Variants in LRFN5 observed in about 807,000 individuals in gnomAD.
LRFN5 encodes leucine rich repeat and fibronectin type III domain containing 5.
In LRFN5, 24 loss-of-function variants were observed where a neutral mutation model predicts 45.6. That is an observed-to-expected ratio of 0.53 (90% CI 0.38 to 0.74). The LOEUF (loss-of-function observed/expected upper bound fraction) is 0.74, where lower values mean the gene tolerates loss of function less well. Ranked by LOEUF, LRFN5 falls within the 30% of genes least tolerant of loss-of-function variation. The pLI is 0.00. For synonymous variants in LRFN5, 340 were observed against 313.8 expected (o/e 1.08, Z -0.88); for missense variants, 776 against 861.5 (o/e 0.90, Z 1.24).
At chr14:41,799,939 GAAGGGA>G (rs920549896) in intron 2 of LRFN5, among the ~76,000 whole-genome samples, 4 of 151,878 alleles carry the variant, frequency 2.6e-5, no homozygotes, top group Non-Finnish European at 5.9e-5. Context: ...AAAGGAAAGG[GAAGGGA>G]AAGGGAAAGG....
At chr14:41,724,621 G>A (rs1883853214) in intron 1 of LRFN5, among the ~76,000 whole-genome samples, 1 of 152,120 alleles carries the variant, frequency 6.6e-6, no homozygotes, top group Non-Finnish European at 1.5e-5. Flanking sequence ...AAAATGGCCA[G>A]TGTAGATATT....
chr14:41,617,584 C>T lies in LRFN5; in HGVS notation c.-197+9022C>T, dbSNP rs565607275. Reference sequence around the variant, plus strand: ...TCATGTGCTTTTGGTACTCTATGAACTGCCATGTCTTATATCTGTATGTTT... The same window carrying T: ...TCATGTGCTTTTGGTACTCTATGAATTGCCATGTCTTATATCTGTATGTTT... On this transcript the variant is annotated intron_variant, in intron 1 of 5. Transcript: ENST00000298119. Among the ~76,000 whole-genome samples, 140 of 152,202 alleles carry T rather than the reference C, an allele frequency of 9.2e-4. 1 individual carries two copies. The highest frequency in any genetic ancestry group is 1.5e-3 in the Non-Finnish European group (102 of 67,994).
chr14:41,702,637 T>C (rs1015760776), intron 1 of LRFN5, among the ~76,000 whole-genome samples: 2 of 151,884 alleles, frequency 1.3e-5, no homozygotes, highest in East Asian at 2.0e-4. Flanking sequence ...AATTTTTATT[T>C]TTTATTTTTT....
At chr14:41,806,153 C>T (rs537471475) in intron 2 of LRFN5, among the ~76,000 whole-genome samples, 2 of 152,280 alleles carry the variant, frequency 1.3e-5, no homozygotes, top group East Asian at 1.9e-4. Flanking sequence ...CAGGATTAGA[C>T]GTTCAGGAGT....
At chr14:41,708,480 A>G (rs1203013775) in intron 1 of LRFN5, among the ~76,000 whole-genome samples, 1 of 152,058 alleles carries the variant, frequency 6.6e-6, no homozygotes, top group Non-Finnish European at 1.5e-5. Context: ...CCTTATTAAT[A>G]TAATCAAATA....
chr14:41,649,307 A>G (rs867879565), intron 1 of LRFN5, among the ~76,000 whole-genome samples: 1 of 141,468 alleles, frequency 7.1e-6, no homozygotes, highest in Non-Finnish European at 1.5e-5. Flanking sequence ...CTAGAATTTT[A>G]ATAATATTGA....
intron 1 of LRFN5, among the ~76,000 whole-genome samples, chr14:41,757,800 C>T (rs756040100): frequency 1.3e-5 from 2 of 152,154 alleles, no homozygotes; most frequent in Non-Finnish European, 2.9e-5. Flanking sequence ...GTGAGATGAA[C>T]CCGGTACCTC....
chr14:41,780,310 A>G (rs1361596983), intron 2 of LRFN5, among the ~76,000 whole-genome samples: 1 of 151,942 alleles, frequency 6.6e-6, no homozygotes, highest in African/African-American at 2.4e-5. Flanking sequence ...CTATCCTTAT[A>G]TAATTTCCTT....
At chr14:41,725,446 C>A (rs61990345) in intron 1 of LRFN5, among the ~76,000 whole-genome samples, 22,646 of 152,146 alleles carry the variant, frequency 0.15, 2,111 homozygotes, top group Non-Finnish European at 0.22. Flanking sequence ...AGAGAGATAT[C>A]TTCTTGTCTC....
chr14:41,865,391 A>G (rs1436320607), intron 2 of LRFN5, among the ~76,000 whole-genome samples: 2 of 152,166 alleles, frequency 1.3e-5, no homozygotes, highest in Admixed American at 6.6e-5. Context: ...GGTATTGCGT[A>G]TATCAGTACT....
intron 2 of LRFN5, among the ~76,000 whole-genome samples, chr14:41,851,702 G>A (rs950125265): frequency 2.6e-5 from 4 of 151,672 alleles, no homozygotes; most frequent in African/African-American, 9.7e-5. Flanking sequence ...AAACAGGTTG[G>A]GTGGCTTAAA....
chr14:41,871,476 C>A (rs750944277), intron 2 of LRFN5, among the ~76,000 whole-genome samples: 1 of 151,904 alleles, frequency 6.6e-6, no homozygotes, highest in Non-Finnish European at 1.5e-5. Context: ...GTAATCCCAG[C>A]TATTTGGGAG....
chr14:41,635,927 T>C (rs1300334389), intron 1 of LRFN5, among the ~76,000 whole-genome samples: 1 of 152,174 alleles, frequency 6.6e-6, no homozygotes, highest in Non-Finnish European at 1.5e-5. Flanking sequence ...TTTACCCTTA[T>C]CCTGGTATCC....
chr14:41,772,031 G>T (rs1160417992), intron 2 of LRFN5, among the ~76,000 whole-genome samples: 1 of 152,118 alleles, frequency 6.6e-6, no homozygotes, highest in Non-Finnish European at 1.5e-5. Flanking sequence ...ATCTGCTTTT[G>T]GTGAGGGCCT....
intron 1 of LRFN5, among the ~76,000 whole-genome samples, chr14:41,670,144 G>GTGTATATATATACATTC (rs1881106391): frequency 7.0e-6 from 1 of 142,712 alleles, no homozygotes; most frequent in Non-Finnish European, 1.5e-5. Context: ...TACATTCTGT[G>GTGTATATATATACATTC]TGTGTATATA....
intron 1 of LRFN5, among the ~76,000 whole-genome samples, chr14:41,764,583 G>C (rs1345264513): frequency 6.6e-6 from 1 of 151,934 alleles, no homozygotes; most frequent in East Asian, 1.9e-4. Flanking sequence ...TGTTTTAGGG[G>C]GAGTTAGGAT....
At chr14:41,778,012 G>T (rs1168014769) in intron 2 of LRFN5, among the ~76,000 whole-genome samples, 2 of 38,770 alleles carry the variant, frequency 5.2e-5, no homozygotes, top group South Asian at 7.8e-4. Flanking sequence ...TTTTTTTGGT[G>T]GGGGGGGGGG....
intron 2 of LRFN5, among the ~76,000 whole-genome samples, chr14:41,791,826 T>G (rs1055505641): frequency 2.6e-5 from 4 of 152,070 alleles, no homozygotes; most frequent in Admixed American, 6.6e-5. Context: ...TTCTGAAAAT[T>G]TATGCTAGAT....
At chr14:41,822,297 A>C (rs1888142773) in intron 2 of LRFN5, among the ~76,000 whole-genome samples, 1 of 151,880 alleles carries the variant, frequency 6.6e-6, no homozygotes, top group Admixed American at 6.6e-5. Context: ...GGCATTTATT[A>C]CTATAAACTC....
Sources: gnomAD v4.1 joint callset for allele counts (sites outside exome capture counted in the v4.1 genomes callset) on GRCh38, gnomAD v4.1.1 for gene constraint, MANE v1.5 for transcripts, NCBI Gene and HGNC (gene_info 2026-07-23, HGNC 2026-07-21) for gene names.